Variants in TMEM132D observed in about 807,000 individuals in gnomAD.
TMEM132D encodes transmembrane protein 132D.
A neutral mutation model predicts 62.3 loss-of-function variants in TMEM132D; 21 were observed. The ratio of observed to expected loss-of-function variants is 0.34; its 90% CI spans 0.24 to 0.49. The LOEUF is 0.49. TMEM132D is among the 20% of genes least tolerant of loss of function. The pLI, the probability that TMEM132D is intolerant of heterozygous loss-of-function variation, is 0.99. For missense variants in TMEM132D, 1,346 were observed against 1,402.8 expected (o/e 0.96, Z 0.65); for synonymous variants, 621 against 575.6 (o/e 1.08, Z -1.13).
At chr12:129,420,687 C>T (rs1157024121) in intron 3 of TMEM132D, among the ~76,000 whole-genome samples, 5 of 152,134 alleles carry the variant, frequency 3.3e-5, no homozygotes, top group Non-Finnish European at 7.4e-5. Context: ...AGCTGGCAAG[C>T]GATAAAGACC....
intron 1 of TMEM132D, among the ~76,000 whole-genome samples, chr12:129,747,085 G>A (rs556317513): frequency 1.0e-5 from 1 of 96,382 alleles, no homozygotes; most frequent in African/African-American, 3.5e-5. Context: ...TGGAGCCCAG[G>A]GCGCTCCAGT....
At chr12:129,257,403 G>T (rs1263972565) in intron 4 of TMEM132D, among the ~76,000 whole-genome samples, 1 of 151,916 alleles carries the variant, frequency 6.6e-6, no homozygotes, top group Non-Finnish European at 1.5e-5. Context: ...TAGAGATGGG[G>T]TTTCACCATG....
intron 3 of TMEM132D, among the ~76,000 whole-genome samples, chr12:129,425,770 T>C (rs1872479005): frequency 6.6e-6 from 1 of 152,316 alleles, no homozygotes; most frequent in African/African-American, 2.4e-5. Flanking sequence ...ACCTGCTTCA[T>C]TGTGCGTAAA....
At chr12:129,290,873 A>T (rs1247980409) in intron 4 of TMEM132D, among the ~76,000 whole-genome samples, 1 of 152,206 alleles carries the variant, frequency 6.6e-6, no homozygotes, top group Non-Finnish European at 1.5e-5. Flanking sequence ...TTCTCTATTT[A>T]CTGTATAATG....
intron 4 of TMEM132D, among the ~76,000 whole-genome samples, chr12:129,217,407 A>C (rs1264844344): frequency 2.6e-5 from 4 of 152,220 alleles, no homozygotes. Context: ...TTAACATCAC[A>C]GTGATTAATG....
chr12:129,701,862 T>A (rs1427431432), intron 1 of TMEM132D, among the ~76,000 whole-genome samples: 2 of 152,140 alleles, frequency 1.3e-5, no homozygotes, highest in Non-Finnish European at 2.9e-5. Flanking sequence ...CAAACACACA[T>A]CTGGAAGCCT....
intron 1 of TMEM132D, among the ~76,000 whole-genome samples, chr12:129,729,273 T>C (rs546891255): frequency 9.2e-5 from 14 of 152,310 alleles, no homozygotes; most frequent in Non-Finnish European, 1.6e-4. Flanking sequence ...TATAATACAG[T>C]TCTATTCCCT....
chr12:129,278,820 A>G lies in TMEM132D; in HGVS notation c.1299+58814T>C, dbSNP rs373669676. 2.0e-4 allele frequency among the ~76,000 whole-genome samples: 30 copies of G among 152,322 alleles called. No homozygotes were observed. The East Asian group carries it at 5.0e-3, about 25-fold the overall frequency. On this transcript the variant is annotated intron_variant, in intron 4 of 8. Transcript: ENST00000422113. ...AGGATACGTGTCATGGGTGTTAACA[A>G]CTAGCTTAATTTGGGGCAATATTTA...
intron 2 of TMEM132D, among the ~76,000 whole-genome samples, chr12:129,666,201 T>C (rs641717): frequency 0.76 from 115,639 of 151,994 alleles, 44,383 homozygotes; most frequent in East Asian, 0.85. Flanking sequence ...GCATGCTTTC[T>C]AGGCCCTGTT....
At chr12:129,891,076 C>A (rs1205793177) in intron 1 of TMEM132D, among the ~76,000 whole-genome samples, 1 of 152,086 alleles carries the variant, frequency 6.6e-6, no homozygotes, top group Admixed American at 6.6e-5. Flanking sequence ...CCTAGAGGAG[C>A]CTCCTCTTCC....
intron 2 of TMEM132D, among the ~76,000 whole-genome samples, chr12:129,533,875 A>C (rs1371169432): frequency 6.6e-6 from 1 of 152,254 alleles, no homozygotes; most frequent in Non-Finnish European, 1.5e-5. Flanking sequence ...GAATTGAAGA[A>C]GGCATACTCA....
intron 3 of TMEM132D, among the ~76,000 whole-genome samples, chr12:129,409,060 G>A (rs796205421): frequency 1.3e-5 from 2 of 152,018 alleles, no homozygotes; most frequent in Non-Finnish European, 1.5e-5. Context: ...AGCCCCCCAA[G>A]TAGCTGGGAT....
intron 3 of TMEM132D, among the ~76,000 whole-genome samples, chr12:129,504,880 T>C (rs939008295): frequency 6.6e-6 from 1 of 152,192 alleles, no homozygotes; most frequent in Non-Finnish European, 1.5e-5. Context: ...GCACTGCCTT[T>C]GCTGTATCCC....
chr12:129,412,243 G>A (rs551787975), intron 3 of TMEM132D, among the ~76,000 whole-genome samples: 1 of 152,250 alleles, frequency 6.6e-6, no homozygotes, highest in East Asian at 1.9e-4. Context: ...GTCTCCTGAA[G>A]CATGAACAGC....
At chr12:129,103,539 C>T (rs922587559) in intron 5 of TMEM132D, among the ~76,000 whole-genome samples, 1 of 152,186 alleles carries the variant, frequency 6.6e-6, no homozygotes, top group African/African-American at 2.4e-5. Flanking sequence ...CTCTTTGTTC[C>T]TTCAGCAGCC....
chr12:129,487,032 G>GGA (rs202141393), intron 3 of TMEM132D, among the ~76,000 whole-genome samples: 36 of 107,518 alleles, frequency 3.3e-4, no homozygotes, highest in East Asian at 1.5e-3. Context: ...GTTTGCGTAT[G>GGA]GGGGGGGGGG....
At chr12:129,283,148 T>C (rs1027521102) in intron 4 of TMEM132D, among the ~76,000 whole-genome samples, 3 of 152,192 alleles carry the variant, frequency 2.0e-5, no homozygotes, top group African/African-American at 7.2e-5. Flanking sequence ...CATTCAGGAA[T>C]CAAATAACTA....
chr12:129,345,883 T>C (rs890849824), intron 3 of TMEM132D, among the ~76,000 whole-genome samples: 1 of 152,212 alleles, frequency 6.6e-6, no homozygotes, highest in African/African-American at 2.4e-5. Flanking sequence ...ATCAGGGATA[T>C]TGGCCTGAAA....
intron 2 of TMEM132D, among the ~76,000 whole-genome samples, chr12:129,566,157 G>A (rs1877360881): frequency 1.3e-5 from 2 of 152,168 alleles, no homozygotes; most frequent in South Asian, 4.1e-4. Context: ...TTAAGTATTT[G>A]ACAAAGATTT....
Sources: allele counts gnomAD v4.1 joint callset (sites outside exome capture counted in the v4.1 genomes callset), GRCh38; gene constraint gnomAD v4.1.1; transcripts MANE v1.5; gene names NCBI Gene and HGNC (gene_info 2026-07-23, HGNC 2026-07-21).